C12orf56: variants seen among roughly 807,000 people sequenced by gnomAD.
C12orf56 encodes the protein chromosome 12 open reading frame 56, also known as uncharacterized protein C12orf56.
C12orf56 carries 71 observed loss-of-function variants against 69.9 expected under a neutral mutation model. The ratio of observed to expected loss-of-function variants is 1.02; its 90% CI spans 0.84 to 1.24. The LOEUF is 1.24. Among genes scored for constraint, C12orf56 ranks in the 50% most tolerant of loss-of-function variants. The pLI, the probability that C12orf56 is intolerant of heterozygous loss-of-function variation, is 0.00. For synonymous variants in C12orf56, 276 were observed against 274.1 expected, an observed-to-expected ratio of 1.01 and a Z score of -0.07; for missense variants, 732 against 738.5, an observed-to-expected ratio of 0.99 and a Z score of 0.10.
intron 12 of C12orf56, among the ~76,000 whole-genome samples, chr12:64,270,126 G>A (rs1014813659): frequency 1.3e-5 from 2 of 152,010 alleles, no homozygotes; most frequent in Non-Finnish European, 2.9e-5. Context: ...GGCCAGGTGC[G>A]GTGGCTCACA....
chr12:64,294,774 T>C (rs2038342890), intron 6 of C12orf56, among the ~76,000 whole-genome samples: 1 of 152,040 alleles, frequency 6.6e-6, no homozygotes, highest in Non-Finnish European at 1.5e-5. Flanking sequence ...ATGGTTTTGA[T>C]GGCTGATTGT....
At chr12:64,370,383 A>G (rs2135972584) in intron 1 of C12orf56, among the ~76,000 whole-genome samples, 1 of 151,618 alleles carries the variant, frequency 6.6e-6, no homozygotes, top group African/African-American at 2.4e-5. Flanking sequence ...GGTTGCGGTG[A>G]CTCATGCCTA....
At chr12:64,338,753 T>A (rs1360603981) in intron 2 of C12orf56, 1 of 1,439,184 alleles carries the variant, frequency 6.9e-7, no homozygotes, top group African/African-American at 1.4e-5. Context: ...AGCCATCATA[T>A]GCTTTATCTG....
chr12:64,317,088 C>CTT (rs2038699778), intron 4 of C12orf56, among the ~76,000 whole-genome samples: 1 of 152,004 alleles, frequency 6.6e-6, no homozygotes, highest in African/African-American at 2.4e-5. Flanking sequence ...TACACCAGAG[C>CTT]TTTCCTCTAT....
rs956561730 is a variant in C12orf56, at chr12:64,318,830, C to T, written c.639G>A (p.Lys213=). 10 of 1,537,098 alleles carry T rather than the reference C, an allele frequency of 6.5e-6. No homozygotes were observed. The African/African-American group carries it at 1.4e-4, about 21-fold the overall frequency. Residue 213 remains lysine (K), a synonymous_variant, in exon 4 of 13, where the codon AAG becomes AAA. Transcript: ENST00000543942. ...TTGTGCAAGATGGCTCGCTGACAGC[C>T]TTGCCAGTTGTTGGTGCAGACTGAG... ...RSSQSAPTTG[K]AVSEPSCTTN... is the part of the protein sequence containing the mutation.
At position 64,318,594 on chromosome 12, in the gene C12orf56, G is replaced by C; in HGVS notation, c.875C>G (p.Ser292Ter). Residue 292 changes from serine (S) to a stop codon, truncating the protein, a stop_gained, in exon 4 of 13, where the codon TCA becomes TGA. Coordinates refer to ENST00000543942, the MANE Select transcript of C12orf56 (RefSeq NM_001170633.2). LOFTEE classifies it high-confidence loss of function. ...TSSIFLHLKS[S>*]WNNYIIKATL... ...ACTTACTATAATATAATTGTTCCAT[G>C]AACTTTTTAAGTGCAGAAATATTGA... 1 of 1,534,398 alleles carries C rather than the reference G, an allele frequency of 6.5e-7. No homozygotes were observed. Among genetic ancestry groups the C allele is most frequent in the Non-Finnish European group, 8.7e-7 (1 of 1,145,240 alleles).
chr12:64,322,428 A>T (rs1011489134), intron 3 of C12orf56, among the ~76,000 whole-genome samples: 2 of 120,842 alleles, frequency 1.7e-5, no homozygotes, highest in African/African-American at 3.4e-5. Context: ...TCCCTTTTTT[A>T]TGTCTTCTAT....
intron 4 of C12orf56, among the ~76,000 whole-genome samples, chr12:64,318,071 G>A (rs2038712524): frequency 6.6e-6 from 1 of 151,276 alleles, no homozygotes; most frequent in Non-Finnish European, 1.5e-5. Flanking sequence ...ATTTTTGTTT[G>A]TTTTTTTGAG....
At chr12:64,279,050 C>T (rs61498925) in intron 8 of C12orf56, among the ~76,000 whole-genome samples, 2,874 of 152,142 alleles carry the variant, frequency 0.019, 93 homozygotes, top group African/African-American at 0.065. Context: ...TTCTTGGTTT[C>T]TGTTAATAAT....
chr12:64,278,271 C>G (rs1344784673), intron 8 of C12orf56, among the ~76,000 whole-genome samples: 3 of 152,086 alleles, frequency 2.0e-5, no homozygotes, highest in Non-Finnish European at 4.4e-5. Context: ...CACAGTGTAT[C>G]TCTGGGACAA....
intron 5 of C12orf56, 27 bp downstream of exon 5, chr12:64,312,652 A>G: frequency 6.7e-7 from 1 of 1,492,354 alleles, no homozygotes; most frequent in Non-Finnish European, 9.0e-7. Context: ...TCCCCATGCA[A>G]CTCTATCATA....
At chr12:64,280,539 A>G (rs1026454414) in intron 8 of C12orf56, among the ~76,000 whole-genome samples, 6 of 152,174 alleles carry the variant, frequency 3.9e-5, no homozygotes, top group Non-Finnish European at 8.8e-5. Flanking sequence ...TATGGGCAAT[A>G]GCTCTGAATA....
At chr12:64,313,470 CCAGGAGTTGGAGG>C (rs2038649779) in intron 4 of C12orf56, among the ~76,000 whole-genome samples, 1 of 151,752 alleles carries the variant, frequency 6.6e-6, no homozygotes, top group South Asian at 2.1e-4. Flanking sequence ...TCAAAAGAGT[CCAGGAGTTGGAGG>C]CTGCAGTGAG....
intron 3 of C12orf56, among the ~76,000 whole-genome samples, chr12:64,321,349 T>C (rs969942088): frequency 3.9e-5 from 6 of 152,194 alleles, no homozygotes; most frequent in African/African-American, 1.4e-4. Context: ...AAAACTACTT[T>C]GTTTTGTAGA....
intron 1 of C12orf56, among the ~76,000 whole-genome samples, chr12:64,375,435 T>C (rs1407461445): frequency 1.3e-5 from 2 of 152,212 alleles, no homozygotes; most frequent in Non-Finnish European, 2.9e-5. Flanking sequence ...GCAATTTTCT[T>C]ATTCAAGTTC....
chr12:64,324,001 A>T (rs555182333), intron 3 of C12orf56, among the ~76,000 whole-genome samples: 2 of 152,244 alleles, frequency 1.3e-5, no homozygotes, highest in Admixed American at 6.5e-5. Flanking sequence ...TAAGAATTTC[A>T]CTCAGTGCCC....
intron 1 of C12orf56, among the ~76,000 whole-genome samples, chr12:64,376,033 T>A (rs80252195): frequency 0.037 from 5,537 of 151,302 alleles, 142 homozygotes; most frequent in South Asian, 0.072. Context: ...ACCCATTACA[T>A]CTGAGAATTA....
At chr12:64,302,256 A>T (rs908475789) in intron 6 of C12orf56, among the ~76,000 whole-genome samples, 1 of 152,144 alleles carries the variant, frequency 6.6e-6, no homozygotes, top group Non-Finnish European at 1.5e-5. Context: ...GCACTACATC[A>T]TCCTTACCTG....
chr12:64,279,110 G>A (rs1422063100), intron 8 of C12orf56, among the ~76,000 whole-genome samples: 1 of 151,872 alleles, frequency 6.6e-6, no homozygotes, highest in African/African-American at 2.4e-5. Flanking sequence ...CATAAAGATG[G>A]GGTCTTGCTT....
Sources: allele counts gnomAD v4.1 joint callset (sites outside exome capture counted in the v4.1 genomes callset), GRCh38; gene constraint gnomAD v4.1.1; transcripts MANE v1.5; gene names NCBI Gene and HGNC (gene_info 2026-07-23, HGNC 2026-07-21).